Variants in TRDN observed in about 807,000 individuals in gnomAD.
TRDN encodes the protein triadin.
In TRDN, 161 loss-of-function variants were observed where a neutral mutation model predicts 149.7. The ratio of observed to expected loss-of-function variants is 1.08; its 90% confidence interval spans 0.95 to 1.23. The LOEUF (loss-of-function observed/expected upper bound fraction) is 1.23, where lower values mean the gene tolerates loss of function less well. Ranked by LOEUF, TRDN falls within the 50% of genes most tolerant of loss-of-function variation. The probability of loss-of-function intolerance (pLI) is 0.00; values close to 1 mark genes in which losing one functional copy is unlikely to be tolerated. For missense variants in TRDN, 896 were observed against 823.5 expected (o/e 1.09, Z -1.08); for synonymous variants, 294 against 250.5 (o/e 1.17, Z -1.64).
chr6:123,395,911 C>G (rs539082061), intron 12 of TRDN, among the ~76,000 whole-genome samples: 1 of 152,266 alleles, frequency 6.6e-6, no homozygotes, highest in South Asian at 2.1e-4. Flanking sequence ...TCACAAACTA[C>G]TACATGATCT....
intron 19 of TRDN, among the ~76,000 whole-genome samples, chr6:123,367,473 G>T (rs1333384145): frequency 2.0e-5 from 3 of 152,078 alleles, no homozygotes. Flanking sequence ...ATCAGAAGGA[G>T]ATCTTCATGT....
At chr6:123,318,591 T>G (rs150049808) in intron 23 of TRDN, among the ~76,000 whole-genome samples, 16 of 152,170 alleles carry the variant, frequency 1.1e-4, no homozygotes, top group African/African-American at 3.1e-4. Context: ...TAGAAATGAA[T>G]TCCCACAAAT....
At chr6:123,290,177 T>C (rs1777953237) in intron 24 of TRDN, among the ~76,000 whole-genome samples, 1 of 152,152 alleles carries the variant, frequency 6.6e-6, no homozygotes, top group African/African-American at 2.4e-5. Flanking sequence ...CTTTATTTGA[T>C]GCTATGGAAT....
chr6:123,225,921 G>T (rs920026799), intron 38 of TRDN, among the ~76,000 whole-genome samples: 5 of 151,706 alleles, frequency 3.3e-5, no homozygotes, highest in African/African-American at 4.8e-5. Context: ...AAGAAGGTCA[G>T]TTTTGTCTTA....
chr6:123,590,660 G>C (rs1427532084), intron 1 of TRDN, among the ~76,000 whole-genome samples: 1 of 152,098 alleles, frequency 6.6e-6, no homozygotes, highest in Non-Finnish European at 1.5e-5. Context: ...TACTTGGGAG[G>C]CTGAGGCAGG....
chr6:123,346,322 T>C (rs543965054), intron 21 of TRDN, among the ~76,000 whole-genome samples: 1 of 152,218 alleles, frequency 6.6e-6, no homozygotes, highest in Non-Finnish European at 1.5e-5. Context: ...TTGATGTTAT[T>C]GATTACTTAA....
At chr6:123,425,003 G>T (rs1774056163) in intron 12 of TRDN, among the ~76,000 whole-genome samples, 1 of 152,090 alleles carries the variant, frequency 6.6e-6, no homozygotes, top group African/African-American at 2.4e-5. Flanking sequence ...CTTGACTTTA[G>T]AGGTAAGAGG....
chr6:123,275,310 A>G (rs764867288), intron 26 of TRDN, among the ~76,000 whole-genome samples: 1 of 152,246 alleles, frequency 6.6e-6, no homozygotes, highest in Non-Finnish European at 1.5e-5. Context: ...CCTTATAAGA[A>G]GAGGAAAAGA....
chr6:123,299,690 A>T (rs1171451495), intron 24 of TRDN, among the ~76,000 whole-genome samples: 1 of 152,060 alleles, frequency 6.6e-6, no homozygotes. Context: ...TGAGAAAATT[A>T]TTCATACATA....
intron 33 of TRDN, among the ~76,000 whole-genome samples, chr6:123,263,290 C>T (rs1582793450): frequency 6.6e-6 from 1 of 151,934 alleles, no homozygotes; most frequent in Non-Finnish European, 1.5e-5. Flanking sequence ...ACAGCAAGGC[C>T]CTAACTCCCT....
intron 5 of TRDN, among the ~76,000 whole-genome samples, chr6:123,520,721 T>A (rs2114280895): frequency 6.6e-6 from 1 of 152,318 alleles, no homozygotes; most frequent in Non-Finnish European, 1.5e-5. Context: ...TATGGACAAT[T>A]TCCCCTTCTC....
At chr6:123,558,969 C>G (rs1431323404) in intron 2 of TRDN, among the ~76,000 whole-genome samples, 2 of 152,240 alleles carry the variant, frequency 1.3e-5, no homozygotes, top group African/African-American at 4.8e-5. Context: ...AGGATTCCTC[C>G]TAAGCAGTGT....
chr6:123,583,456 C>T (rs28832288), intron 1 of TRDN, among the ~76,000 whole-genome samples: 18,126 of 151,250 alleles, frequency 0.12, 1,175 homozygotes, highest in African/African-American at 0.17. Context: ...AAGTATTATC[C>T]AGTCCTTTTT....
Position 123,271,180 on chromosome 6 carries a change from T to C in TRDN, c.1679A>G (p.Lys560Arg). ...KTVSHGKPEE[K>R]VLKQVKAVTI... is the part of the protein sequence containing the mutation. ...GACAGCTTTTACCTGCTTGAGAACTTTTTCTTCTGTGATAGGAAAAAATGT... is the reference window on the plus strand; with the variant it reads ...GACAGCTTTTACCTGCTTGAGAACTCTTTCTTCTGTGATAGGAAAAAATGT... Residue 560 changes from lysine (K) to arginine (R), a missense_variant, in exon 30 of 41, where the codon AAA (lysine) becomes AGA (arginine). Lys to Arg is a conservative substitution (Grantham distance 26, BLOSUM62 2). Transcript: ENST00000334268. The C allele has an allele frequency of 6.5e-7, 1 of 1,538,984 alleles. No homozygotes were observed. The highest frequency in any genetic ancestry group is 8.7e-7 in the Non-Finnish European group (1 of 1,142,996).
intron 35 of TRDN, among the ~76,000 whole-genome samples, chr6:123,259,104 AT>A (rs570070521): frequency 2.6e-5 from 4 of 151,786 alleles, no homozygotes; most frequent in Admixed American, 6.6e-5. Context: ...GGATTCACTG[AT>A]TTTTTTAAGG....
intron 9 of TRDN, among the ~76,000 whole-genome samples, chr6:123,468,559 GTTTTC>G (rs1474222577): frequency 4.6e-5 from 7 of 152,122 alleles, no homozygotes; most frequent in Admixed American, 1.3e-4. Flanking sequence ...AGTTACTGAT[GTTTTC>G]TTTACTTTCC....
chr6:123,307,455 C>G (rs1469941614), intron 24 of TRDN, among the ~76,000 whole-genome samples: 1 of 152,016 alleles, frequency 6.6e-6, no homozygotes, highest in Non-Finnish European at 1.5e-5. Context: ...ATTCTACATA[C>G]AAGAATATCA....
At chr6:123,259,107 T>G (rs1257499509) in intron 35 of TRDN, among the ~76,000 whole-genome samples, 1 of 152,148 alleles carries the variant, frequency 6.6e-6, no homozygotes, top group Non-Finnish European at 1.5e-5. Context: ...TTCACTGATT[T>G]TTTTAAGGGT....
intron 39 of TRDN, among the ~76,000 whole-genome samples, 190 bp downstream of exon 39, chr6:123,223,903 G>A (rs1015823361): frequency 2.6e-5 from 4 of 151,270 alleles, no homozygotes; most frequent in African/African-American, 4.8e-5. Context: ...TTTTTAATAT[G>A]TGAAAAGATG....
Sources: gnomAD v4.1 joint callset for allele counts (sites outside exome capture counted in the v4.1 genomes callset) on GRCh38, gnomAD v4.1.1 for gene constraint, MANE v1.5 for transcripts, NCBI Gene and HGNC (gene_info 2026-07-23, HGNC 2026-07-21) for gene names.